The following AK8 variants were observed in gnomAD, a reference collection of about 807,000 sequenced individuals.
AK8 encodes ATP-AMP transphosphorylase 8.
AK8 carries 44 observed loss-of-function variants against 54.6 expected under a neutral mutation model. That is an observed-to-expected ratio of 0.81 (90% confidence interval 0.63 to 1.04). The LOEUF (loss-of-function observed/expected upper bound fraction) is 1.04. Ranked by LOEUF, AK8 falls within the 50% of genes least tolerant of loss-of-function variation. The pLI, the probability that AK8 is intolerant of heterozygous loss-of-function variation, is 0.00. For missense variants in AK8, 555 were observed against 613.6 expected, an observed-to-expected ratio of 0.90 and a Z score of 1.01; for synonymous variants, 239 against 245.6, an observed-to-expected ratio of 0.97 and a Z score of 0.25.
chr9:132,813,466 G>A (rs917225498), intron 10 of AK8, among the ~76,000 whole-genome samples: 4 of 152,226 alleles, frequency 2.6e-5, no homozygotes, highest in African/African-American at 9.6e-5. Context: ...GCCAATGCCC[G>A]CACTGCTCAC....
At chr9:132,849,548 G>A (rs1314509905) in intron 5 of AK8, among the ~76,000 whole-genome samples, 1 of 152,126 alleles carries the variant, frequency 6.6e-6, no homozygotes, top group Non-Finnish European at 1.5e-5. Context: ...CCCACACCTG[G>A]GCAGAAGACC....
chr9:132,814,472 C>T (rs1247442517), intron 10 of AK8, among the ~76,000 whole-genome samples, 166 bp downstream of exon 10: 4 of 152,024 alleles, frequency 2.6e-5, no homozygotes, highest in Non-Finnish European at 4.4e-5. Context: ...CACCAAGAGG[C>T]CTTACCGGAA....
intron 11 of AK8, among the ~76,000 whole-genome samples, chr9:132,775,891 A>G (rs1479740286): frequency 6.6e-6 from 1 of 152,256 alleles, no homozygotes; most frequent in East Asian, 1.9e-4. Flanking sequence ...AAAATCCATG[A>G]GGCTGCAGGC....
At chr9:132,740,655 G>A (rs893132003) in intron 11 of AK8, among the ~76,000 whole-genome samples, 3 of 152,156 alleles carry the variant, frequency 2.0e-5, no homozygotes, top group Non-Finnish European at 4.4e-5. Flanking sequence ...TTTGGATTTG[G>A]GGATGATGAA....
chr9:132,839,878 C>T (rs927520856), intron 5 of AK8, among the ~76,000 whole-genome samples: 3 of 146,444 alleles, frequency 2.0e-5, no homozygotes, highest in Non-Finnish European at 4.5e-5. Flanking sequence ...AGTGCAGTGG[C>T]GCGATCTCGG....
intron 11 of AK8, among the ~76,000 whole-genome samples, chr9:132,789,522 G>A (rs1003469928): frequency 2.0e-5 from 3 of 148,254 alleles, no homozygotes; most frequent in Admixed American, 6.7e-5. Context: ...ACTTGAACTT[G>A]GGAGGCAGAG....
chr9:132,861,668 T>TA (rs1256628216), intron 4 of AK8: 1 of 152,184 alleles, frequency 6.6e-6, no homozygotes, highest in Non-Finnish European at 1.5e-5. Flanking sequence ...AAGCTAAGAC[T>TA]AGCAGGAGAA....
intron 11 of AK8, among the ~76,000 whole-genome samples, chr9:132,742,353 T>A (rs1474302184): frequency 6.6e-6 from 1 of 152,110 alleles, no homozygotes; most frequent in Non-Finnish European, 1.5e-5. Flanking sequence ...TTTAAAAACA[T>A]TTTTTGTAGA....
Position 132,792,639 on chromosome 9 carries a change from G to T in AK8, c.1116C>A (p.Pro372=). Residue 372 remains proline, a synonymous_variant, in exon 11 of 13, where the codon CCC becomes CCA. Coordinates refer to ENST00000298545, the MANE Select transcript of AK8 (RefSeq NM_152572.3). ...AHLLNRLGYN[P]NRVFFLNVPF... Reference sequence around the variant, plus strand: ...GCTTGGCTGGGGCAGCTCACCTGTTGGGATTGTAGCCCAGGCGGTTCAGCA... The same window carrying T: ...GCTTGGCTGGGGCAGCTCACCTGTTTGGATTGTAGCCCAGGCGGTTCAGCA... The T allele has an allele frequency of 6.4e-7, 1 of 1,552,740 alleles. No homozygotes were observed. Among genetic ancestry groups the T allele is most frequent in the South Asian group, 1.2e-5 (1 of 84,054 alleles).
At position 132,798,951 on chromosome 9, in the gene AK8, C is replaced by T. The variant is rs114379252; in HGVS notation, c.980-6176G>A. On this transcript the variant is annotated intron_variant, in intron 10 of 12. Coordinates refer to ENST00000298545, the MANE Select transcript of AK8 (RefSeq NM_152572.3). ...CCCAGGATCCCATTGGGCTCCCTCC[C>T]GCACAGCAGTTCCACGGCTCCGGAC... 6.7e-3 allele frequency among the ~76,000 whole-genome samples: 1,025 copies of T among 152,302 alleles called. 5 individuals are homozygous for T. Among genetic ancestry groups the T allele is most frequent in the African/African-American group, 0.019 (793 of 41,574 alleles).
intron 11 of AK8, among the ~76,000 whole-genome samples, chr9:132,764,892 C>T (rs965417048): frequency 6.6e-6 from 1 of 152,118 alleles, no homozygotes; most frequent in African/African-American, 2.4e-5. Flanking sequence ...CAAGGCCAGA[C>T]AAAGATACAG....
At chr9:132,798,689 GTTT>G (rs111989687) in intron 10 of AK8, among the ~76,000 whole-genome samples, 6 of 148,868 alleles carry the variant, frequency 4.0e-5, no homozygotes, top group African/African-American at 1.5e-4. Context: ...GGTTTCGTTT[GTTT>G]TTTTTTTTTT....
intron 5 of AK8, among the ~76,000 whole-genome samples, chr9:132,850,322 T>C (rs1842923781): frequency 6.8e-6 from 1 of 146,768 alleles, no homozygotes; most frequent in Non-Finnish European, 1.5e-5. Flanking sequence ...GCTGAGTCGT[T>C]GCGATAGAAG....
rs551958923 is a variant in AK8, at chr9:132,727,355, T to G, written c.1202+99A>C. 3 of 1,112,596 alleles carry G rather than the reference T, an allele frequency of 2.7e-6. No individual in the cohort carries two copies. The Admixed American group carries it at 5.3e-5, about 19-fold the overall frequency. 68.9% of individuals were successfully genotyped at this position (1,112,596 alleles called of 1,614,324 possible). On this transcript the variant is annotated intron_variant, in intron 12 of 12. Transcript: ENST00000298545. ...ATAATCGTCCTTCAGTGGTCACCAG[T>G]GTTATCCCTGCAGTGTTTCCACCAT...
At position 132,860,326 on chromosome 9, in the gene AK8, C is replaced by G. The variant is rs1843334770; in HGVS notation, c.333+3339G>C. 6.6e-6 allele frequency among the ~76,000 whole-genome samples: 1 copy of G among 152,144 alleles called. No individual in the cohort carries two copies. Among genetic ancestry groups the G allele is most frequent in the Admixed American group, 6.5e-5 (1 of 15,276 alleles). ...CACTTCTAGGTGTGATAATGTGTCT[C>G]TATGCGTTTACTGAAAAAGGGCCCT... On this transcript the variant is annotated intron_variant, in intron 4 of 12. Transcript: ENST00000298545. This position sits in a 1 kb window ranked among gnomAD's most constrained non-coding sequence, Gnocchi z 4.4.
rs371954511 is a variant in AK8, at chr9:132,753,381, G to T, written c.1122-25847C>A. On this transcript the variant is annotated intron_variant, in intron 11 of 12. Coordinates refer to ENST00000298545, the MANE Select transcript of AK8 (RefSeq NM_152572.3). The stretch of plus-strand genomic sequence containing the variant: ...ACCCTCTGCCTGGCCCCAGTGGCAG[G>T]GTCCCCACAACTCCTATCTGGGAAG... 1.2e-3 allele frequency among the ~76,000 whole-genome samples: 179 copies of T among 152,366 alleles called. 5 individuals carry two copies. In the Middle Eastern group the frequency reaches 0.017, roughly 14 times the overall value.
chr9:132,744,086 C>T (rs1033794691), intron 11 of AK8, among the ~76,000 whole-genome samples: 1 of 152,124 alleles, frequency 6.6e-6, no homozygotes, highest in Non-Finnish European at 1.5e-5. Flanking sequence ...GTGTGCTAGA[C>T]CCCACCTCAG....
chr9:132,775,773 T>C (rs1418895316), intron 11 of AK8, among the ~76,000 whole-genome samples: 1 of 152,198 alleles, frequency 6.6e-6, no homozygotes, highest in Non-Finnish European at 1.5e-5. Context: ...CCAGGTACCA[T>C]GCAATGCTCC....
In AK8 at chr9:132,852,172, TAGAG is replaced by T. The variant is rs1842992331; in HGVS notation, c.402+2681_402+2684del. On this transcript the variant is annotated intron_variant, in intron 5 of 12. Coordinates refer to ENST00000298545, the MANE Select transcript of AK8 (RefSeq NM_152572.3). ...AATACAAATTATCACATGTGACTGATAGAGAGTAAAAACAATAGGGGCCAGGCAT... is the reference window on the plus strand; with the variant it reads ...AATACAAATTATCACATGTGACTGATAGTAAAAACAATAGGGGCCAGGCAT... 3.3e-5 allele frequency among the ~76,000 whole-genome samples: 5 copies of T among 152,164 alleles called. No individual in the cohort carries two copies. The South Asian group carries it at 6.2e-4, about 19-fold the overall frequency.
Sources: allele counts gnomAD v4.1 joint callset (sites outside exome capture counted in the v4.1 genomes callset), GRCh38; gene constraint gnomAD v4.1.1; non-coding constraint Gnocchi (gnomAD v3.1); transcripts MANE v1.5; gene names NCBI Gene and HGNC (gene_info 2026-07-23, HGNC 2026-07-21).